The following PLCH1 variants were observed in gnomAD, a reference collection of about 807,000 sequenced individuals.
PLCH1 encodes the protein phospholipase C eta 1, also known as 1-phosphatidylinositol 4,5-bisphosphate phosphodiesterase eta-1.
PLCH1 carries 60 observed loss-of-function variants against 126.7 expected under a neutral mutation model. The observed-to-expected ratio is 0.47, with a 90% CI of 0.38 to 0.59. The LOEUF is 0.59. Among genes scored for constraint, PLCH1 ranks in the 20% least tolerant of loss-of-function variants. The pLI is 0.00. For synonymous variants in PLCH1, 719 were observed against 734.9 expected, an observed-to-expected ratio of 0.98 and a Z score of 0.35; for missense variants, 1,723 against 2,040.0, an observed-to-expected ratio of 0.84 and a Z score of 2.99.
chr3:155,741,684 C>CTTTTATTTTTTTTTTATTTTTTTT, intron 1 of PLCH1, among the ~76,000 whole-genome samples: 18 of 102,868 alleles, frequency 1.7e-4, no homozygotes, highest in Non-Finnish European at 2.8e-4. Flanking sequence ...TTTATATCCT[C>CTTTTATTTTTTTTTTATTTTTTTT]TTTTTTTTTT....
intron 2 of PLCH1, among the ~76,000 whole-genome samples, chr3:155,617,063 T>G (rs1034302749): frequency 4.8e-4 from 73 of 152,164 alleles, no homozygotes; most frequent in African/African-American, 1.6e-3. Flanking sequence ...CATATAAATG[T>G]GTTATTAATA....
chr3:155,514,757 G>A lies in PLCH1; in HGVS notation c.1598C>T (p.Ala533Val). Residue 533 changes from alanine (A) to valine (V), a missense_variant, in exon 12 of 23, where the codon GCC (alanine) becomes GTC (valine). Ala to Val is a moderately conservative substitution (Grantham distance 64). This residue lies in a region of PLCH1 where 776 missense variants were observed against 1,062.9 expected (regional missense o/e 0.73). Transcript: ENST00000460012. ...GTGTGCATTTAAGCCTTCATGCGTG[G>A]CCTTCAGTAGTGCCCGCACTGTGAA... Reference protein sequence around the residue: ...DSFTVRALLKATHEGLNAHLK... With the variant: ...DSFTVRALLKVTHEGLNAHLK... 4 of 1,604,178 alleles carry A rather than the reference G, an allele frequency of 2.5e-6. No homozygotes were observed. The highest frequency in any genetic ancestry group is 2.6e-6 in the Non-Finnish European group (3 of 1,173,804).
chr3:155,523,808 T>C (rs927124500), intron 11 of PLCH1, 89 bp downstream of exon 11: 12 of 711,268 alleles, frequency 1.7e-5, no homozygotes, highest in Non-Finnish European at 1.7e-5. Context: ...GCCACCATAA[T>C]TGTGAGGCCT....
At chr3:155,588,731 A>T (rs902083868) in intron 4 of PLCH1, among the ~76,000 whole-genome samples, 9 of 152,208 alleles carry the variant, frequency 5.9e-5, no homozygotes, top group African/African-American at 2.2e-4. Flanking sequence ...CTGGTAAAGT[A>T]AAAACAGAGG....
chr3:155,490,040 T>C (rs1715939361), intron 19 of PLCH1, among the ~76,000 whole-genome samples: 1 of 152,226 alleles, frequency 6.6e-6, no homozygotes, highest in Non-Finnish European at 1.5e-5. Flanking sequence ...TCTGTGTACA[T>C]GTTTTTCCTA....
intron 1 of PLCH1, among the ~76,000 whole-genome samples, chr3:155,722,496 T>A (rs1311665631): frequency 6.6e-6 from 1 of 152,168 alleles, no homozygotes; most frequent in Non-Finnish European, 1.5e-5. Context: ...GTATGTCCCT[T>A]CTATGGCAAT....
intron 21 of PLCH1, among the ~76,000 whole-genome samples, chr3:155,458,819 G>T (rs759836467): frequency 2.0e-5 from 3 of 152,214 alleles, no homozygotes; most frequent in Non-Finnish European, 2.9e-5. Flanking sequence ...GGGACAACCA[G>T]CTATTTTGTT....
chr3:155,650,888 A>C (rs2108894133), intron 2 of PLCH1, among the ~76,000 whole-genome samples: 1 of 152,316 alleles, frequency 6.6e-6, no homozygotes, highest in Middle Eastern at 3.4e-3. Flanking sequence ...AAATATAAAA[A>C]TTAGCCATGC....
At chr3:155,608,536 C>T (rs370831540) in intron 2 of PLCH1, among the ~76,000 whole-genome samples, 2 of 152,284 alleles carry the variant, frequency 1.3e-5, no homozygotes, top group African/African-American at 4.8e-5. Context: ...TTTCCCCCCA[C>T]TTCCCTAGAA....
intron 2 of PLCH1, among the ~76,000 whole-genome samples, chr3:155,607,292 G>A (rs1734486304): frequency 6.6e-6 from 1 of 152,022 alleles, no homozygotes; most frequent in South Asian, 2.1e-4. Context: ...GTATTTATAT[G>A]CGTTGCCTGT....
At chr3:155,617,697 CA>C (rs1427285330) in intron 2 of PLCH1, among the ~76,000 whole-genome samples, 1 of 152,082 alleles carries the variant, frequency 6.6e-6, no homozygotes, top group Non-Finnish European at 1.5e-5. Context: ...GTTACTTTAC[CA>C]AGGCTTTGAC....
At chr3:155,556,224 A>T (rs1164316041) in intron 8 of PLCH1, among the ~76,000 whole-genome samples, 1 of 152,160 alleles carries the variant, frequency 6.6e-6, no homozygotes, top group Non-Finnish European at 1.5e-5. Flanking sequence ...GTGGTGGCGG[A>T]TGCCTGTAAT....
chr3:155,666,644 C>A (rs1416888833), intron 2 of PLCH1, among the ~76,000 whole-genome samples: 1 of 152,130 alleles, frequency 6.6e-6, no homozygotes, highest in Non-Finnish European at 1.5e-5. Context: ...AGTAGATAAT[C>A]TATTTCTGCT....
chr3:155,704,761 C>G (rs556229564), intron 1 of PLCH1, among the ~76,000 whole-genome samples: 1 of 152,214 alleles, frequency 6.6e-6, no homozygotes, highest in Non-Finnish European at 1.5e-5. Context: ...GTGCCTCCCT[C>G]TTTTTGGTTC....
intron 2 of PLCH1, among the ~76,000 whole-genome samples, chr3:155,675,813 C>G (rs576214922): frequency 2.0e-5 from 3 of 152,058 alleles, no homozygotes; most frequent in African/African-American, 4.8e-5. Flanking sequence ...TACATTTATA[C>G]GAAAAAAACA....
chr3:155,567,859 T>C (rs1027421570), intron 7 of PLCH1, among the ~76,000 whole-genome samples: 5 of 152,160 alleles, frequency 3.3e-5, no homozygotes, highest in Admixed American at 1.3e-4. Context: ...AAAGGAAACA[T>C]GGCAAGTCAC....
At chr3:155,610,770 A>T (rs1407861090) in intron 2 of PLCH1, among the ~76,000 whole-genome samples, 1 of 145,206 alleles carries the variant, frequency 6.9e-6, no homozygotes, top group Non-Finnish European at 1.5e-5. Flanking sequence ...TTAAAGCATA[A>T]CTCTCACAGG....
intron 1 of PLCH1, among the ~76,000 whole-genome samples, chr3:155,726,634 C>G (rs1040253201): frequency 1.1e-4 from 16 of 151,412 alleles, no homozygotes; most frequent in Non-Finnish European, 1.9e-4. Flanking sequence ...TTAAATGTTG[C>G]CTTTTCCAAT....
intron 2 of PLCH1, among the ~76,000 whole-genome samples, chr3:155,602,752 A>G (rs758865094): frequency 6.6e-6 from 1 of 152,206 alleles, no homozygotes; most frequent in Non-Finnish European, 1.5e-5. Context: ...ACTGTCATAT[A>G]TGTGGTCCAT....
Sources: allele counts gnomAD v4.1 joint callset (sites outside exome capture counted in the v4.1 genomes callset), GRCh38; gene constraint gnomAD v4.1.1; regional missense constraint gnomAD v4.1.1; transcripts MANE v1.5; gene names NCBI Gene and HGNC (gene_info 2026-07-23, HGNC 2026-07-21).